TRPM7: variants seen among roughly 807,000 people sequenced by gnomAD.
The protein encoded by TRPM7 is transient receptor potential cation channel subfamily M member 7.
Under a neutral mutation model 229.7 loss-of-function variants are expected in TRPM7, and 134 were observed. That is an observed-to-expected ratio of 0.58 (90% CI 0.51 to 0.67). The LOEUF is 0.67. Ranked by LOEUF, TRPM7 falls within the 30% of genes least tolerant of loss-of-function variation. The pLI is 0.00. For missense variants in TRPM7, 1,901 were observed against 2,210.0 expected, an observed-to-expected ratio of 0.86 and a Z score of 2.80; for synonymous variants, 699 against 715.2, an observed-to-expected ratio of 0.98 and a Z score of 0.36.
Position 50,686,586 on chromosome 15 carries a change from C to T in TRPM7, c.-53G>A. On this transcript the variant is annotated 5_prime_UTR_variant, in exon 1 of 39. Coordinates refer to ENST00000646667, the MANE Select transcript of TRPM7 (RefSeq NM_017672.6). ...GCAGCAACTCCACCTCCTCCTCCTC[C>T]GCGGCCTGTAGCCATCTATCGGGAA... 4 of 1,605,200 alleles carry T rather than the reference C, an allele frequency of 2.5e-6. No individual in the cohort carries two copies. Among genetic ancestry groups the T allele is most frequent in the Non-Finnish European group, 3.4e-6 (4 of 1,175,402 alleles).
chr15:50,578,078 G>A (rs2054222723), intron 31 of TRPM7, among the ~76,000 whole-genome samples: 1 of 152,174 alleles, frequency 6.6e-6, no homozygotes, highest in Non-Finnish European at 1.5e-5. Context: ...GGGACTATAA[G>A]AAGTAGAAAC....
chr15:50,671,052 AT>A (rs1292920337), intron 1 of TRPM7, among the ~76,000 whole-genome samples: 1 of 152,112 alleles, frequency 6.6e-6, no homozygotes, highest in Non-Finnish European at 1.5e-5. Flanking sequence ...CTCACATACT[AT>A]TTTTTTGTGG....
At chr15:50,655,450 A>C (rs1032526158) in intron 3 of TRPM7, among the ~76,000 whole-genome samples, 4 of 144,284 alleles carry the variant, frequency 2.8e-5, no homozygotes, top group East Asian at 1.9e-4. Context: ...AAAAAAAACA[A>C]AAAAACAAAA....
At chr15:50,601,487 C>A (rs2059778216) in intron 21 of TRPM7, among the ~76,000 whole-genome samples, 1 of 151,926 alleles carries the variant, frequency 6.6e-6, no homozygotes, top group Non-Finnish European at 1.5e-5. Context: ...ACTAAAAATA[C>A]AAAAATTAGC....
At position 50,662,956 on chromosome 15, in the gene TRPM7, G is replaced by C; in HGVS notation, c.83+11C>G. ...TCTAGAAGACCCCAGAAGTAACAAA[G>C]GTGTGCTTACCTGTGAGGGTCCTTG... On this transcript the variant is annotated intron_variant, in intron 2 of 38. Coordinates refer to ENST00000646667, the MANE Select transcript of TRPM7 (RefSeq NM_017672.6). 1.2e-6 allele frequency: 2 copies of C among 1,600,078 alleles called. No individual in the cohort carries two copies. The highest frequency in any genetic ancestry group is 1.7e-6 in the Non-Finnish European group (2 of 1,170,568).
chr15:50,684,813 T>C (rs2062321855), intron 1 of TRPM7, among the ~76,000 whole-genome samples: 1 of 152,174 alleles, frequency 6.6e-6, no homozygotes, highest in South Asian at 2.1e-4. Flanking sequence ...GAGAAGGTAC[T>C]AGAGACTGAA....
chr15:50,613,679 A>T, intron 15 of TRPM7, 28 bp downstream of exon 15: 3 of 1,481,992 alleles, frequency 2.0e-6, no homozygotes, highest in South Asian at 1.4e-5. Flanking sequence ...ATAAAAACCC[A>T]GAAAGAATAA....
At chr15:50,619,916 G>T in intron 12 of TRPM7, 118 bp from the exon 13 acceptor site, 2 of 839,416 alleles carry the variant, frequency 2.4e-6, no homozygotes, top group African/African-American at 1.8e-5. Flanking sequence ...ATTTCCTTAA[G>T]TTCTATTCAT....
chr15:50,628,273 G>C, intron 10 of TRPM7, 24 bp from the exon 11 acceptor site: 1 of 1,506,110 alleles, frequency 6.6e-7, no homozygotes, highest in South Asian at 1.2e-5. Flanking sequence ...GAAAATAGTT[G>C]ACAGGTTCAA....
chr15:50,638,340 CAG>C (rs2060976102), intron 6 of TRPM7, among the ~76,000 whole-genome samples: 1 of 114,674 alleles, frequency 8.7e-6, no homozygotes, highest in Non-Finnish European at 1.7e-5. Flanking sequence ...GCCTGGGCGA[CAG>C]AGCGAGACTC....
At position 50,612,655 on chromosome 15, in the gene TRPM7, T is replaced by A. The variant is rs757469480; in HGVS notation, c.1945A>T (p.Met649Leu). 1.9e-6 allele frequency: 3 copies of A among 1,614,212 alleles called. No homozygotes were observed. Among genetic ancestry groups the A allele is most frequent in the Non-Finnish European group, 8.5e-7 (1 of 1,180,024 alleles). ...RFLWQHGEES[M>L]AKALVACKIY... ...TTACAGGCAACTAATGCTTTAGCCA[T>A]TGATTCTTCACCATGTTGCCATAAA... The change falls in exon 16 of 39, where the codon ATG (methionine) becomes TTG (leucine). Residue 649 changes from methionine (M) to leucine (L), a missense_variant. Physicochemically the swap from Met to Leu is conservative, Grantham distance 15. Around this residue, in one of 8 missense-constraint regions of TRPM7, gnomAD observed 794 missense variants for 881.9 expected, o/e 0.90. Coordinates refer to ENST00000646667, the MANE Select transcript of TRPM7 (RefSeq NM_017672.6).
chr15:50,623,316 G>A (rs184398056), intron 12 of TRPM7, among the ~76,000 whole-genome samples: 2 of 151,990 alleles, frequency 1.3e-5, no homozygotes, highest in East Asian at 3.9e-4. Context: ...GGAGGCTGAG[G>A]CAGGAGAATC....
At chr15:50,611,824 G>A (rs553661248) in intron 16 of TRPM7, among the ~76,000 whole-genome samples, 116 of 152,306 alleles carry the variant, frequency 7.6e-4, no homozygotes, top group African/African-American at 2.6e-3. Context: ...TTGGGGAGCC[G>A]GAGGTCTTAG....
chr15:50,603,898 T>C (rs1002842874), intron 21 of TRPM7: 10 of 151,642 alleles, frequency 6.6e-5, no homozygotes, highest in African/African-American at 2.4e-4. Context: ...TTACAAGAAG[T>C]CTGAAACAAA....
At position 50,557,544 on chromosome 15, in the gene TRPM7, T is replaced by C. The variant is rs2053180842; in HGVS notation, c.*4134A>G. On this transcript the variant is annotated 3_prime_UTR_variant, in exon 39 of 39. Transcript: ENST00000646667. The stretch of plus-strand genomic sequence containing the variant: ...AAACAATCCAATATAATCTTTTCTA[T>C]AATTTCCAATACAATCAACATGTAT... 1 of 152,268 alleles carries C rather than the reference T, an allele frequency of 6.6e-6. No individual in the cohort carries two copies. Among genetic ancestry groups the C allele is most frequent in the African/African-American group, 2.4e-5 (1 of 41,476 alleles). The allele number at this position is 152,268 out of a possible 1,614,324, so 9.4% of individuals were successfully genotyped here.
chr15:50,574,732 G>C lies in TRPM7; in HGVS notation c.5020-13C>G, dbSNP rs377027132. Reference sequence around the variant, plus strand: ...GTTGTTGAATTTCCTATAAAAGGGAGGGTGGGGAGAACCCTTGTTTAATAT... The same window carrying C: ...GTTGTTGAATTTCCTATAAAAGGGACGGTGGGGAGAACCCTTGTTTAATAT... On this transcript the variant is annotated splice_polypyrimidine_tract_variant and intron_variant, in intron 34 of 38. Coordinates refer to ENST00000646667, the MANE Select transcript of TRPM7 (RefSeq NM_017672.6). 1.9e-6 allele frequency: 3 copies of C among 1,608,792 alleles called. No individual in the cohort carries two copies. In the African/African-American group the frequency reaches 4.0e-5, roughly 22 times the overall value.
chr15:50,650,182 G>A (rs1206634180), intron 3 of TRPM7, among the ~76,000 whole-genome samples: 2 of 95,546 alleles, frequency 2.1e-5, no homozygotes, highest in East Asian at 7.2e-4. Context: ...GAAAGAGTGA[G>A]ACTTTGTCTC....
chr15:50,577,883 T>C (rs963233968), intron 31 of TRPM7, among the ~76,000 whole-genome samples: 1 of 152,158 alleles, frequency 6.6e-6, no homozygotes, highest in African/African-American at 2.4e-5. Context: ...GTAGTGAGAA[T>C]GCACAAATTA....
chr15:50,604,697 G>T, intron 21 of TRPM7, 169 bp downstream of exon 21: 1 of 639,278 alleles, frequency 1.6e-6, no homozygotes, highest in Non-Finnish European at 2.7e-6. Flanking sequence ...ATAGGGGATT[G>T]GGATTGAGCA....
Sources: allele counts gnomAD v4.1 joint callset (sites outside exome capture counted in the v4.1 genomes callset), GRCh38; gene constraint gnomAD v4.1.1; regional missense constraint gnomAD v4.1.1; transcripts MANE v1.5; gene names NCBI Gene and HGNC (gene_info 2026-07-23, HGNC 2026-07-21).